ADGRB3: variants seen among roughly 807,000 people sequenced by gnomAD.
The protein encoded by ADGRB3 is brain-specific angiogenesis inhibitor 3.
Under a neutral mutation model 193.4 loss-of-function variants are expected in ADGRB3, and 37 were observed. The ratio of observed to expected loss-of-function variants is 0.19; its 90% confidence interval spans 0.15 to 0.25. The LOEUF is 0.25. ADGRB3 is among the 10% of genes least tolerant of loss of function. ADGRB3 has a pLI of 1.00. For synonymous variants in ADGRB3, 690 were observed against 644.2 expected (o/e 1.07, Z -1.08); for missense variants, 1,637 against 1,852.9 (o/e 0.88, Z 2.14).
intron 4 of ADGRB3, among the ~76,000 whole-genome samples, chr6:68,934,026 A>T (rs1299878413): frequency 6.6e-6 from 1 of 152,162 alleles, no homozygotes; most frequent in South Asian, 2.1e-4. Context: ...TATATTAGTT[A>T]TTCTCACAAT....
chr6:68,640,973 G>A (rs1754035474), intron 3 of ADGRB3, among the ~76,000 whole-genome samples: 1 of 152,158 alleles, frequency 6.6e-6, no homozygotes, highest in South Asian at 2.1e-4. Flanking sequence ...ATTTTCTGTA[G>A]TAAAAAATCC....
At chr6:69,103,528 C>A (rs1447669787) in intron 17 of ADGRB3, among the ~76,000 whole-genome samples, 3 of 151,942 alleles carry the variant, frequency 2.0e-5, no homozygotes, top group Admixed American at 6.6e-5. Flanking sequence ...TGCCAGTGAA[C>A]CTTTGGATAT....
intron 6 of ADGRB3, among the ~76,000 whole-genome samples, chr6:68,945,799 T>C (rs550885007): frequency 6.6e-6 from 1 of 152,276 alleles, no homozygotes; most frequent in East Asian, 1.9e-4. Flanking sequence ...AGAGGCTATG[T>C]TACAGTTCAG....
intron 17 of ADGRB3, among the ~76,000 whole-genome samples, chr6:69,203,585 C>A (rs1444629423): frequency 6.6e-6 from 1 of 152,054 alleles, no homozygotes; most frequent in Non-Finnish European, 1.5e-5. Flanking sequence ...AAGACAAAGG[C>A]AAGTCTTGAA....
intron 13 of ADGRB3, among the ~76,000 whole-genome samples, chr6:69,031,030 TTCTCTTC>T (rs1770644207): frequency 1.5e-5 from 1 of 64,932 alleles, no homozygotes. Flanking sequence ...TTTTTTCCTC[TTCTCTTC>T]TCTCTTCTCT....
intron 22 of ADGRB3, 28 bp downstream of exon 22, chr6:69,327,917 G>A (rs759570988): frequency 1.6e-5 from 25 of 1,562,652 alleles, no homozygotes; most frequent in Non-Finnish European, 2.1e-5. Context: ...GATAAATCAT[G>A]TTTATAATTT....
chr6:68,750,643 T>A (rs1766179932), intron 3 of ADGRB3, among the ~76,000 whole-genome samples: 1 of 152,218 alleles, frequency 6.6e-6, no homozygotes, highest in Admixed American at 6.5e-5. Context: ...CTTCTATCCA[T>A]GTCTGCTTTA....
chr6:69,320,696 C>G (rs1768431636), intron 20 of ADGRB3, among the ~76,000 whole-genome samples: 1 of 151,556 alleles, frequency 6.6e-6, no homozygotes, highest in South Asian at 2.1e-4. Flanking sequence ...TTGCAAAGAA[C>G]CTGATGTCAA....
chr6:69,011,173 A>ATG (rs909810946), intron 11 of ADGRB3, among the ~76,000 whole-genome samples: 1 of 144,356 alleles, frequency 6.9e-6, no homozygotes, highest in African/African-American at 2.8e-5. Context: ...GTGTGTATAT[A>ATG]TATATTCTAT....
At chr6:69,035,884 G>A (rs989968395) in intron 13 of ADGRB3, among the ~76,000 whole-genome samples, 4 of 152,140 alleles carry the variant, frequency 2.6e-5, no homozygotes, top group African/African-American at 7.2e-5. Flanking sequence ...GAGTAAAGTC[G>A]ATAGAGGTGC....
At chr6:69,292,048 T>C (rs1038535835) in intron 20 of ADGRB3, among the ~76,000 whole-genome samples, 1 of 152,176 alleles carries the variant, frequency 6.6e-6, no homozygotes, top group Admixed American at 6.5e-5. Context: ...ATTATACTGT[T>C]TCCTGCCCTG....
At chr6:69,086,634 G>A (rs1257322684) in intron 17 of ADGRB3, among the ~76,000 whole-genome samples, 7 of 152,078 alleles carry the variant, frequency 4.6e-5, no homozygotes, top group Non-Finnish European at 1.0e-4. Flanking sequence ...TGGGTCTTTT[G>A]GAGAACAGGA....
chr6:68,900,012 G>C (rs1010019937), intron 3 of ADGRB3, among the ~76,000 whole-genome samples: 2 of 151,964 alleles, frequency 1.3e-5, no homozygotes, highest in African/African-American at 4.8e-5. Context: ...TTTACCTTGA[G>C]GGTAATCAAT....
intron 20 of ADGRB3, among the ~76,000 whole-genome samples, chr6:69,274,682 T>C (rs1767261132): frequency 6.6e-6 from 1 of 150,464 alleles, no homozygotes; most frequent in Non-Finnish European, 1.5e-5. Context: ...TCTTTTTTCT[T>C]TTTATTCCAG....
At chr6:69,378,420 C>T (rs1467224561) in intron 30 of ADGRB3, among the ~76,000 whole-genome samples, 1 of 152,010 alleles carries the variant, frequency 6.6e-6, no homozygotes, top group Non-Finnish European at 1.5e-5. Flanking sequence ...TTCCAGCTTG[C>T]TCACTACTTG....
chr6:69,083,981 G>A (rs966322005), intron 17 of ADGRB3, among the ~76,000 whole-genome samples: 3 of 151,912 alleles, frequency 2.0e-5, no homozygotes, highest in Non-Finnish European at 2.9e-5. Context: ...CACCATGTTG[G>A]CCAGTCTGGT....
intron 3 of ADGRB3, among the ~76,000 whole-genome samples, chr6:68,755,226 T>C (rs1156388235): frequency 6.6e-6 from 1 of 152,236 alleles, no homozygotes; most frequent in South Asian, 2.1e-4. Context: ...TTTATAGATA[T>C]GATTGTTTAA....
rs1216638332 is a variant in ADGRB3 at position 68,643,250 on chromosome 6, GGCCTGTGTAGACTTTAGTTCAT to G, written c.757+3824_757+3845del. On this transcript the variant is annotated intron_variant, in intron 3 of 31. Transcript: ENST00000370598. ...ACTCCCCAAAGGAAGTCTCACCATA[GGCCTGTGTAGACTTTAGTTCAT>G]GCCTGCGTGTGTATGTGTTGTCATT... Among the ~76,000 whole-genome samples the G allele has an allele frequency of 4.6e-5, 7 of 152,180 alleles. No homozygotes were observed. The East Asian group carries it at 1.4e-3, about 29-fold the overall frequency.
intron 3 of ADGRB3, among the ~76,000 whole-genome samples, chr6:68,737,874 A>G (rs11752398): frequency 0.36 from 54,673 of 152,036 alleles, 10,698 homozygotes; most frequent in East Asian, 0.64. Context: ...GCCAAGAAAT[A>G]CCTGCTTTAT....
Sources: allele counts gnomAD v4.1 joint callset (sites outside exome capture counted in the v4.1 genomes callset), GRCh38; gene constraint gnomAD v4.1.1; transcripts MANE v1.5; gene names NCBI Gene and HGNC (gene_info 2026-07-23, HGNC 2026-07-21).